Variants in RNF216 observed in about 807,000 individuals in gnomAD.
RNF216 encodes ring finger protein 216.
In RNF216, 72 loss-of-function variants were observed where a neutral mutation model predicts 110.8. That is an observed-to-expected ratio of 0.65 (90% confidence interval 0.54 to 0.79). The LOEUF (loss-of-function observed/expected upper bound fraction) is 0.79, where lower values mean the gene tolerates loss of function less well. RNF216 is among the 30% of genes least tolerant of loss of function. The pLI is 0.00. For missense variants in RNF216, 1,342 were observed against 1,141.2 expected (o/e 1.18, Z -2.54); for synonymous variants, 495 against 407.5 (o/e 1.21, Z -2.59).
intron 13 of RNF216, among the ~76,000 whole-genome samples, chr7:5,676,250 G>A (rs1418115685): frequency 6.6e-6 from 1 of 152,144 alleles, no homozygotes; most frequent in Admixed American, 6.6e-5. Context: ...GGTCTCAAGT[G>A]ATCGGCCCGC....
intron 14 of RNF216, among the ~76,000 whole-genome samples, chr7:5,650,674 A>AG (rs1005644644): frequency 9.2e-5 from 14 of 152,082 alleles, no homozygotes; most frequent in Non-Finnish European, 2.1e-4. Flanking sequence ...AGCCAGCAAC[A>AG]GGGGGGTCAA....
chr7:5,747,427 A>G (rs1216199455), intron 3 of RNF216, among the ~76,000 whole-genome samples: 1 of 152,258 alleles, frequency 6.6e-6, no homozygotes, highest in Non-Finnish European at 1.5e-5. Flanking sequence ...GGACCTGACA[A>G]GTACTATCCA....
intron 13 of RNF216, among the ~76,000 whole-genome samples, chr7:5,683,906 C>G (rs758264247): frequency 1.3e-5 from 2 of 152,048 alleles, no homozygotes; most frequent in Non-Finnish European, 2.9e-5. Context: ...CCAGCCTGCA[C>G]AGAGAATAGG....
chr7:5,770,868 T>C (rs1206426271), intron 1 of RNF216, among the ~76,000 whole-genome samples: 1 of 151,534 alleles, frequency 6.6e-6, no homozygotes, highest in Non-Finnish European at 1.5e-5. Context: ...AGTGCAGTGG[T>C]GTGATCTCGG....
intron 15 of RNF216, among the ~76,000 whole-genome samples, chr7:5,626,626 C>G (rs531869985): frequency 1.6e-4 from 24 of 150,582 alleles, no homozygotes; most frequent in Admixed American, 8.0e-4. Flanking sequence ...GATCGTGCTA[C>G]TGCACTCCAC....
chr7:5,749,864 A>G (rs1253479388), intron 3 of RNF216, among the ~76,000 whole-genome samples: 1 of 152,238 alleles, frequency 6.6e-6, no homozygotes, highest in Non-Finnish European at 1.5e-5. Context: ...TGAATTGATA[A>G]AAGAAGAATC....
intron 3 of RNF216, among the ~76,000 whole-genome samples, chr7:5,749,170 A>C (rs1412897485): frequency 1.2e-5 from 1 of 81,304 alleles, no homozygotes; most frequent in East Asian, 3.7e-4. Flanking sequence ...TTTTTTTTTG[A>C]GACAGGGTCT....
intron 9 of RNF216, among the ~76,000 whole-genome samples, chr7:5,717,901 G>C (rs974892488): frequency 3.9e-5 from 6 of 152,112 alleles, no homozygotes; most frequent in African/African-American, 1.4e-4. Context: ...TCCCACCTCA[G>C]CTTCCCGAGT....
chr7:5,733,448 A>G (rs889268866), intron 5 of RNF216, among the ~76,000 whole-genome samples: 3 of 152,196 alleles, frequency 2.0e-5, no homozygotes, highest in Non-Finnish European at 4.4e-5. Flanking sequence ...AATCTTGAAG[A>G]TATATTTAAA....
chr7:5,725,346 G>A lies in RNF216; in HGVS notation c.1482C>T (p.Tyr494=), dbSNP rs1356557114. The A allele has an allele frequency of 2.5e-6, 4 of 1,607,772 alleles. No homozygotes were observed. The highest frequency in any genetic ancestry group is 1.7e-5 in the Admixed American group (1 of 60,010). Residue 494 remains tyrosine (Y), a synonymous_variant, in exon 8 of 17, where the codon TAC becomes TAT. Transcript: ENST00000389902. ...TACCTTGTTCAAACTTGAAATCAAT[G>A]TAAGAATACTGGTTCATTTGTTTTC... is the stretch of plus-strand genomic sequence containing the variant. ...KKRKQMNQYS[Y]IDFKFEQGDI...
intron 13 of RNF216, among the ~76,000 whole-genome samples, chr7:5,683,440 G>A (rs1461339522): frequency 6.6e-6 from 1 of 152,160 alleles, no homozygotes; most frequent in East Asian, 1.9e-4. Flanking sequence ...AAGTGGTGCT[G>A]CCAGACTGCT....
chr7:5,750,450 G>A (rs565632287), intron 3 of RNF216, among the ~76,000 whole-genome samples: 2 of 152,170 alleles, frequency 1.3e-5, no homozygotes, highest in Non-Finnish European at 2.9e-5. Context: ...GTAGAAATGG[G>A]AGTGACTTAG....
rs6943803 is a variant in RNF216, at chr7:5,703,922, G to A, written c.2061+7839C>T. On this transcript the variant is annotated intron_variant, in intron 13 of 16. Coordinates refer to ENST00000389902, the MANE Select transcript of RNF216 (RefSeq NM_207111.4). ...GAAAAGACTCAACAGTGAAACTTCT[G>A]ACCCTAAGAATACATATTCCAGAAG... Among the ~76,000 whole-genome samples, 480 of 152,254 alleles carry A rather than the reference G, an allele frequency of 3.2e-3. 1 individual carries two copies. Among genetic ancestry groups the A allele is most frequent in the African/African-American group, 0.011 (447 of 41,538 alleles).
intron 8 of RNF216, among the ~76,000 whole-genome samples, chr7:5,723,579 G>A (rs561635328): frequency 1.2e-4 from 18 of 151,870 alleles, no homozygotes; most frequent in Non-Finnish European, 2.4e-4. Flanking sequence ...CCCAGGAGGC[G>A]GAGTTTGCAG....
intron 5 of RNF216, among the ~76,000 whole-genome samples, chr7:5,735,946 A>G (rs1163116728): frequency 6.6e-6 from 1 of 152,168 alleles, no homozygotes; most frequent in Non-Finnish European, 1.5e-5. Flanking sequence ...CACAAAAATT[A>G]GCCAGACATG....
chr7:5,684,529 C>T (rs944937768), intron 13 of RNF216, among the ~76,000 whole-genome samples: 5 of 152,208 alleles, frequency 3.3e-5, no homozygotes, highest in African/African-American at 1.2e-4. Flanking sequence ...TCTCCTGGGC[C>T]TGGCCCCATG....
At chr7:5,686,199 G>C (rs1416836865) in intron 13 of RNF216, among the ~76,000 whole-genome samples, 1 of 149,532 alleles carries the variant, frequency 6.7e-6, no homozygotes, top group Non-Finnish European at 1.5e-5. Context: ...CTCCAGCCTG[G>C]GTTGACAGAG....
At chr7:5,668,992 T>C (rs1372979276) in intron 13 of RNF216, among the ~76,000 whole-genome samples, 2 of 152,228 alleles carry the variant, frequency 1.3e-5, no homozygotes, top group Admixed American at 1.3e-4. Flanking sequence ...CCCCCAGGAA[T>C]ATGAGCAGGA....
rs779636733 is a variant in RNF216, at chr7:5,641,410, G to A, written c.2160-34C>T. On this transcript the variant is annotated intron_variant, in intron 14 of 16. Coordinates refer to ENST00000389902, the MANE Select transcript of RNF216 (RefSeq NM_207111.4). Reference sequence around the variant, plus strand: ...AGAAAACATAATTTGGAGCTGGGAGGGAAGATGAGGAGGAAAAAAATATGG... The same window carrying A: ...AGAAAACATAATTTGGAGCTGGGAGAGAAGATGAGGAGGAAAAAAATATGG... The A allele has an allele frequency of 3.9e-6, 6 of 1,552,390 alleles. No homozygotes were observed. In the Admixed American group the frequency reaches 6.9e-5, roughly 18 times the overall value.
Sources: gnomAD v4.1 joint callset for allele counts (sites outside exome capture counted in the v4.1 genomes callset) on GRCh38, gnomAD v4.1.1 for gene constraint, MANE v1.5 for transcripts, NCBI Gene and HGNC (gene_info 2026-07-23, HGNC 2026-07-21) for gene names.